The following CABLES1 variants were observed in gnomAD, a reference collection of about 807,000 sequenced individuals.
CABLES1 encodes the protein CDK5 and ABL1 enzyme substrate 1.
A neutral mutation model predicts 57.8 loss-of-function variants in CABLES1; 36 were observed. The observed-to-expected ratio is 0.62, with a 90% confidence interval of 0.48 to 0.82. CABLES1 has a LOEUF of 0.82. Ranked by LOEUF, CABLES1 falls within the 40% of genes least tolerant of loss-of-function variation. CABLES1 has a pLI of 0.00. For missense variants in CABLES1, 767 were observed against 836.6 expected, an observed-to-expected ratio of 0.92 and a Z score of 1.03; for synonymous variants, 374 against 363.0, an observed-to-expected ratio of 1.03 and a Z score of -0.35.
chr18:23,146,645 T>C (rs1281570348), intron 1 of CABLES1, among the ~76,000 whole-genome samples: 2 of 152,246 alleles, frequency 1.3e-5, no homozygotes, highest in Non-Finnish European at 2.9e-5. Flanking sequence ...AAACGATTGA[T>C]AGTATTATAA....
chr18:23,170,307 G>T (rs1365637927), intron 1 of CABLES1, among the ~76,000 whole-genome samples: 1 of 152,196 alleles, frequency 6.6e-6, no homozygotes, highest in African/African-American at 2.4e-5. Flanking sequence ...GGGCCTGCCT[G>T]TTTTTGACGT....
At chr18:23,147,271 A>G (rs1380742583) in intron 1 of CABLES1, among the ~76,000 whole-genome samples, 1 of 152,276 alleles carries the variant, frequency 6.6e-6, no homozygotes, top group Non-Finnish European at 1.5e-5. Flanking sequence ...AAGAGTGGAA[A>G]GACCAGCTTT....
intron 3 of CABLES1, among the ~76,000 whole-genome samples, chr18:23,198,465 C>T (rs1598824984): frequency 6.6e-6 from 1 of 152,038 alleles, no homozygotes; most frequent in South Asian, 2.1e-4. Context: ...AGAGTAATGG[C>T]CCTCAGAGAT....
chr18:23,141,381 G>A (rs1760776778), intron 1 of CABLES1, among the ~76,000 whole-genome samples: 1 of 152,176 alleles, frequency 6.6e-6, no homozygotes, highest in South Asian at 2.1e-4. Flanking sequence ...CAAGAATCAG[G>A]GTAAGAAAGG....
At chr18:23,212,448 T>G (rs535168659) in intron 3 of CABLES1, among the ~76,000 whole-genome samples, 1 of 152,318 alleles carries the variant, frequency 6.6e-6, no homozygotes, top group East Asian at 1.9e-4. Context: ...AGTGTGTTAC[T>G]TTGGTCCCAT....
intron 4 of CABLES1, among the ~76,000 whole-genome samples, chr18:23,233,603 T>A (rs990036832): frequency 5.3e-5 from 8 of 152,188 alleles, no homozygotes; most frequent in African/African-American, 1.9e-4. Flanking sequence ...ATCCCAGCAC[T>A]TTAGGAGGCC....
intron 3 of CABLES1, among the ~76,000 whole-genome samples, chr18:23,198,860 A>G (rs886343011): frequency 3.3e-5 from 5 of 152,236 alleles, no homozygotes; most frequent in African/African-American, 1.2e-4. Context: ...CCAGAATTGT[A>G]AGATAATACA....
intron 1 of CABLES1, among the ~76,000 whole-genome samples, chr18:23,165,141 T>C (rs1455980576): frequency 4.6e-5 from 7 of 152,158 alleles, no homozygotes; most frequent in African/African-American, 1.2e-4. Flanking sequence ...CCTCCTGGGC[T>C]AGAGTGCAGT....
At chr18:23,174,581 C>G (rs1424370745) in intron 1 of CABLES1, among the ~76,000 whole-genome samples, 1 of 151,740 alleles carries the variant, frequency 6.6e-6, no homozygotes, top group African/African-American at 2.4e-5. Context: ...ACGCCATTCT[C>G]CTGCCTCAGC....
intron 7 of CABLES1, among the ~76,000 whole-genome samples, chr18:23,238,122 C>G (rs2047651282): frequency 6.6e-6 from 1 of 152,252 alleles, no homozygotes; most frequent in Non-Finnish European, 1.5e-5. Context: ...CCTGTGCTCC[C>G]AGCCTGAGCT....
At chr18:23,214,857 C>T (rs912446682) in intron 4 of CABLES1, 3 of 152,320 alleles carry the variant, frequency 2.0e-5, no homozygotes, top group African/African-American at 7.2e-5. Flanking sequence ...GCCACTGGTG[C>T]TGATTCGCCA....
intron 8 of CABLES1, among the ~76,000 whole-genome samples, chr18:23,253,447 C>T (rs1009796645): frequency 1.3e-5 from 2 of 152,228 alleles, no homozygotes; most frequent in African/African-American, 4.8e-5. Context: ...CGTGCCACTG[C>T]ACTCCAGCCT....
intron 1 of CABLES1, among the ~76,000 whole-genome samples, chr18:23,165,045 T>C (rs2047032232): frequency 6.6e-6 from 1 of 152,198 alleles, no homozygotes; most frequent in African/African-American, 2.4e-5. Context: ...AGTGCTGAGA[T>C]TACAGGCATG....
At chr18:23,137,113 A>G (rs1377737093) in intron 1 of CABLES1, among the ~76,000 whole-genome samples, 1 of 152,232 alleles carries the variant, frequency 6.6e-6, no homozygotes, top group Non-Finnish European at 1.5e-5. Flanking sequence ...GCCCGGGGAA[A>G]CTTGGCTTTT....
intron 7 of CABLES1, among the ~76,000 whole-genome samples, chr18:23,245,329 G>A (rs184628584): frequency 3.6e-4 from 55 of 152,158 alleles, no homozygotes; most frequent in East Asian, 3.1e-3. Context: ...CCAACATGGC[G>A]AAACCCCATC....
chr18:23,148,526 G>A (rs2046907843), intron 1 of CABLES1, among the ~76,000 whole-genome samples: 1 of 152,174 alleles, frequency 6.6e-6, no homozygotes, highest in African/African-American at 2.4e-5. Context: ...CTTCTATGTC[G>A]ATTCTGCACA....
intron 1 of CABLES1, among the ~76,000 whole-genome samples, chr18:23,173,789 C>T (rs1215746870): frequency 6.6e-6 from 1 of 152,064 alleles, no homozygotes; most frequent in African/African-American, 2.4e-5. Flanking sequence ...ATGTCAAAAC[C>T]TGTCTTTACA....
chr18:23,224,526 A>C (rs532879589), intron 4 of CABLES1, among the ~76,000 whole-genome samples: 1 of 146,954 alleles, frequency 6.8e-6, no homozygotes, highest in East Asian at 2.0e-4. Flanking sequence ...TTCATTAAGC[A>C]TTAGTTTCAC....
At chr18:23,233,400 C>G (rs1197472166) in intron 4 of CABLES1, among the ~76,000 whole-genome samples, 1 of 152,200 alleles carries the variant, frequency 6.6e-6, no homozygotes, top group African/African-American at 2.4e-5. Flanking sequence ...GATGAACTCT[C>G]CAACCTACCG....
Sources: gnomAD v4.1 joint callset for allele counts (sites outside exome capture counted in the v4.1 genomes callset) on GRCh38, gnomAD v4.1.1 for gene constraint, MANE v1.5 for transcripts, NCBI Gene and HGNC (gene_info 2026-07-23, HGNC 2026-07-21) for gene names.